TSGA10: variants seen among roughly 807,000 people sequenced by gnomAD.
TSGA10 encodes testis specific 10, also known as testis-specific gene 10 protein.
A neutral mutation model predicts 96.6 loss-of-function variants in TSGA10; 43 were observed. The ratio of observed to expected loss-of-function variants is 0.44; its 90% CI spans 0.35 to 0.57. TSGA10 has a LOEUF of 0.57. TSGA10 is among the 20% of genes least tolerant of loss of function. TSGA10 has a pLI of 0.01. For missense variants in TSGA10, 703 were observed against 834.4 expected (o/e 0.84, Z 1.94); for synonymous variants, 229 against 269.9 (o/e 0.85, Z 1.48).
chr2:99,056,651 A>C lies in TSGA10; in HGVS notation c.1404+8288T>G, dbSNP rs187700202. ...CTGGTAAATTTTTACCAAACCTTTA[A>C]AGAAGAATCAATGCAAATTCCATAC... On this transcript the variant is annotated intron_variant, in intron 16 of 20. Coordinates refer to ENST00000393483, the MANE Select transcript of TSGA10 (RefSeq NM_025244.4). 3.3e-5 allele frequency among the ~76,000 whole-genome samples: 5 copies of C among 152,244 alleles called. No individual in the cohort carries two copies. In the East Asian group the frequency reaches 5.8e-4, roughly 18 times the overall value.
chr2:99,013,491 C>T (rs1191224832), intron 20 of TSGA10, among the ~76,000 whole-genome samples: 1 of 151,778 alleles, frequency 6.6e-6, no homozygotes, highest in Non-Finnish European at 1.5e-5. Context: ...TGCCACCACG[C>T]CCGGCTAATT....
At chr2:99,010,110 T>C (rs1276459880) in intron 20 of TSGA10, among the ~76,000 whole-genome samples, 3 of 152,336 alleles carry the variant, frequency 2.0e-5, no homozygotes, top group African/African-American at 7.2e-5. Flanking sequence ...CTAGAACATA[T>C]AAATTTTGTG....
At chr2:99,086,927 G>A (rs970486636) in intron 10 of TSGA10, among the ~76,000 whole-genome samples, 10 of 151,958 alleles carry the variant, frequency 6.6e-5, no homozygotes, top group African/African-American at 1.5e-4. Flanking sequence ...TTTGGGGGCC[G>A]GGCGCAGTGT....
chr2:99,151,779 G>T (rs572935430), intron 1 of TSGA10, among the ~76,000 whole-genome samples: 42 of 151,168 alleles, frequency 2.8e-4, no homozygotes, highest in Admixed American at 6.6e-4. Context: ...CTTGCAGATG[G>T]TACCATTTTA....
chr2:99,078,901 C>A, intron 11 of TSGA10, 88 bp from the exon 12 acceptor site: 2 of 1,108,626 alleles, frequency 1.8e-6, no homozygotes, highest in South Asian at 1.8e-5. Flanking sequence ...TTGAACTTCT[C>A]CTTACTTCTA....
intron 16 of TSGA10, among the ~76,000 whole-genome samples, chr2:99,049,439 A>G (rs182468058): frequency 6.6e-6 from 1 of 152,340 alleles, no homozygotes; most frequent in Admixed American, 6.5e-5. Context: ...AGGGACATGG[A>G]TGAAGCTGAA....
chr2:99,061,757 T>G (rs2084718799), intron 16 of TSGA10, among the ~76,000 whole-genome samples: 1 of 152,158 alleles, frequency 6.6e-6, no homozygotes, highest in Non-Finnish European at 1.5e-5. Context: ...CAAAACTGTG[T>G]CCCCTCCAAA....
chr2:99,151,797 A>G (rs2093696707), intron 1 of TSGA10, among the ~76,000 whole-genome samples: 1 of 129,336 alleles, frequency 7.7e-6, no homozygotes, highest in Non-Finnish European at 1.7e-5. Flanking sequence ...TTATGTCACC[A>G]ATATTTAATA....
At chr2:99,061,912 A>G (rs2084735590) in intron 16 of TSGA10, among the ~76,000 whole-genome samples, 1 of 152,234 alleles carries the variant, frequency 6.6e-6, no homozygotes, top group Non-Finnish European at 1.5e-5. Context: ...AGAGACACCA[A>G]GGATGTGCAT....
intron 17 of TSGA10, among the ~76,000 whole-genome samples, chr2:99,033,772 G>A (rs537133338): frequency 4.1e-4 from 62 of 152,164 alleles, no homozygotes; most frequent in Admixed American, 2.0e-3. Flanking sequence ...CCCGGGAGGC[G>A]GAGGCTGCAG....
chr2:99,154,547 G>A (rs1021471436), intron 1 of TSGA10, 146 bp downstream of exon 1: 1 of 157,916 alleles, frequency 6.3e-6, no homozygotes, highest in African/African-American at 2.4e-5. Context: ...TAAAGACCCA[G>A]CGTAATACCT....
intron 16 of TSGA10, among the ~76,000 whole-genome samples, chr2:99,060,139 TTG>T (rs2084521275): frequency 6.6e-6 from 1 of 152,164 alleles, no homozygotes. Context: ...TAAGTCATAA[TTG>T]CATACGTAGA....
intron 12 of TSGA10, 107 bp downstream of exon 12, chr2:99,078,552 T>C (rs1184780194): frequency 4.1e-5 from 48 of 1,185,102 alleles, no homozygotes; most frequent in South Asian, 1.7e-5. Context: ...GAAAAACATT[T>C]GAGAAAATTC....
chr2:99,120,542 T>C (rs17759607), intron 2 of TSGA10, among the ~76,000 whole-genome samples: 79,114 of 152,000 alleles, frequency 0.52, 22,096 homozygotes, highest in Middle Eastern at 0.7. Context: ...TTAGACATTA[T>C]ATAAGAGCTC....
chr2:99,111,586 T>C (rs910436679), intron 4 of TSGA10, among the ~76,000 whole-genome samples: 2 of 152,168 alleles, frequency 1.3e-5, no homozygotes, highest in Admixed American at 6.5e-5. Context: ...TTCTCTGGAA[T>C]TATTGTACTT....
chr2:99,053,843 T>G (rs560712892), intron 16 of TSGA10, among the ~76,000 whole-genome samples: 1 of 152,206 alleles, frequency 6.6e-6, no homozygotes, highest in South Asian at 2.1e-4. Context: ...TGCTATATGT[T>G]CACCGAAAAC....
At chr2:99,021,014 A>G (rs2079959987) in intron 17 of TSGA10, among the ~76,000 whole-genome samples, 1 of 150,788 alleles carries the variant, frequency 6.6e-6, no homozygotes, top group Admixed American at 6.6e-5. Context: ...TCTTGCATAA[A>G]CTTGTGGAAA....
intron 20 of TSGA10, among the ~76,000 whole-genome samples, chr2:99,001,401 G>C (rs1558678105): frequency 6.6e-6 from 1 of 152,156 alleles, no homozygotes; most frequent in Non-Finnish European, 1.5e-5. Context: ...CTGACTGTTA[G>C]AAGGAAAACT....
intron 1 of TSGA10, among the ~76,000 whole-genome samples, chr2:99,131,121 C>A (rs2093060643): frequency 6.6e-6 from 1 of 152,016 alleles, no homozygotes; most frequent in Admixed American, 6.6e-5. Flanking sequence ...TATATGGGGT[C>A]TTTTTTGGTT....
Sources: allele counts gnomAD v4.1 joint callset (sites outside exome capture counted in the v4.1 genomes callset), GRCh38; gene constraint gnomAD v4.1.1; transcripts MANE v1.5; gene names NCBI Gene and HGNC (gene_info 2026-07-23, HGNC 2026-07-21).